ZC3H11A: variants seen among roughly 807,000 people sequenced by gnomAD.
ZC3H11A encodes the protein zinc finger CCCH-type containing 11A.
Under a neutral mutation model 90.8 loss-of-function variants are expected in ZC3H11A, and 22 were observed. The ratio of observed to expected loss-of-function variants is 0.24; its 90% CI spans 0.17 to 0.35. The LOEUF (loss-of-function observed/expected upper bound fraction) is 0.35, where lower values mean the gene tolerates loss of function less well. Ranked by LOEUF, ZC3H11A falls within the 10% of genes least tolerant of loss-of-function variation. ZC3H11A has a pLI of 1.00. For missense variants in ZC3H11A, 701 were observed against 964.9 expected, an observed-to-expected ratio of 0.73 and a Z score of 3.62; for synonymous variants, 294 against 339.8, an observed-to-expected ratio of 0.87 and a Z score of 1.48.
At chr1:203,827,074 G>A (rs960197834) in intron 4 of ZC3H11A, among the ~76,000 whole-genome samples, 11 of 152,202 alleles carry the variant, frequency 7.2e-5, no homozygotes, top group African/African-American at 2.6e-4. Context: ...GCACTCTTGT[G>A]TCTGGCTTCT....
chr1:203,826,972 C>T (rs1421468751), intron 4 of ZC3H11A, among the ~76,000 whole-genome samples: 2 of 152,246 alleles, frequency 1.3e-5, no homozygotes, highest in Middle Eastern at 3.4e-3. Flanking sequence ...TTGTTACTAA[C>T]CACATCCCCA....
intron 9 of ZC3H11A, 114 bp from the exon 10 acceptor site, chr1:203,833,677 G>T: frequency 4.7e-5 from 24 of 508,042 alleles, no homozygotes; most frequent in Non-Finnish European, 4.9e-5. Flanking sequence ...TGATTTTCAA[G>T]AGACTTTCTG....
intron 3 of ZC3H11A, 134 bp downstream of exon 3, chr1:203,817,258 T>C (rs1278965418): frequency 1.6e-6 from 1 of 633,410 alleles, no homozygotes; most frequent in Non-Finnish European, 2.6e-6. Flanking sequence ...CTGTCAGTTT[T>C]TTAAAGGATA....
intron 17 of ZC3H11A, 114 bp downstream of exon 17, chr1:203,851,238 T>C: frequency 1.1e-6 from 1 of 909,228 alleles, no homozygotes; most frequent in East Asian, 2.6e-5. Flanking sequence ...TCTGTTGCAC[T>C]TCAAATTAAT....
chr1:203,805,923 C>T (rs553517709), intron 2 of ZC3H11A: 20 of 666,096 alleles, frequency 3.0e-5, no homozygotes, highest in Admixed American at 2.5e-4. Context: ...TGTCTACCTT[C>T]ATTTCCTTTG....
chr1:203,824,272 A>AC (rs1298339482), intron 4 of ZC3H11A, among the ~76,000 whole-genome samples: 1 of 67,316 alleles, frequency 1.5e-5, no homozygotes, highest in Non-Finnish European at 3.4e-5. Context: ...CCATCTCAAA[A>AC]TTAAAAAAAA....
chr1:203,819,553 A>G (rs1677749063), intron 4 of ZC3H11A, among the ~76,000 whole-genome samples: 1 of 36,834 alleles, frequency 2.7e-5, no homozygotes, highest in Non-Finnish European at 5.3e-5. Flanking sequence ...TTTTTTTTTG[A>G]GACAGAGTTT....
intron 2 of ZC3H11A, among the ~76,000 whole-genome samples, chr1:203,811,548 G>T (rs1297879367): frequency 6.6e-6 from 1 of 151,924 alleles, no homozygotes; most frequent in Non-Finnish European, 1.5e-5. Context: ...TTGCTCTGTT[G>T]CCTAGTCTGG....
In ZC3H11A at chr1:203,838,055, C is replaced by G. The variant is rs2103171409; in HGVS notation, c.964C>G (p.Pro322Ala). The change falls in exon 11 of 18, where the codon CCA becomes GCA. Residue 322 changes from proline to alanine, a missense_variant. Transcript: ENST00000367210. ...TCCAGAAACTAACATTGACAAAACA[C>G]CAAAGAAAGGTACCTGTGTTCTTAC... is the stretch of plus-strand genomic sequence containing the variant. ...EAPETNIDKT[P>A]KKAQVSKSLK... is the part of the protein sequence containing the mutation. The G allele has an allele frequency of 6.2e-7, 1 of 1,614,072 alleles. No homozygotes were observed. Among genetic ancestry groups the G allele is most frequent in the Non-Finnish European group, 8.5e-7 (1 of 1,179,968 alleles).
intron 4 of ZC3H11A, among the ~76,000 whole-genome samples, chr1:203,823,013 T>G (rs1212261546): frequency 6.6e-6 from 1 of 152,196 alleles, no homozygotes; most frequent in Non-Finnish European, 1.5e-5. Context: ...ATCTTGCAAA[T>G]AGCAGCAGAT....
intron 17 of ZC3H11A, 147 bp from the exon 18 acceptor site, chr1:203,851,994 A>AG: frequency 2.1e-6 from 1 of 485,294 alleles, no homozygotes; most frequent in Non-Finnish European, 3.4e-6. Flanking sequence ...AAAAAAAAAA[A>AG]AGCTTGATCC....
intron 12 of ZC3H11A, among the ~76,000 whole-genome samples, chr1:203,845,603 G>T (rs552636323): frequency 1.3e-5 from 2 of 152,194 alleles, no homozygotes; most frequent in East Asian, 3.9e-4. Flanking sequence ...GGTGGCTCAC[G>T]CCTGTAATCC....
intron 2 of ZC3H11A, chr1:203,805,686 G>A (rs1482024574): frequency 3.0e-6 from 2 of 672,020 alleles, no homozygotes; most frequent in Non-Finnish European, 5.7e-6. Flanking sequence ...TTGTGACAGT[G>A]GGAACACCTT....
At chr1:203,823,946 A>G (rs930747724) in intron 4 of ZC3H11A, among the ~76,000 whole-genome samples, 13 of 151,832 alleles carry the variant, frequency 8.6e-5, no homozygotes, top group African/African-American at 3.1e-4. Flanking sequence ...CAAGTGAAAA[A>G]CCTAAGGTGA....
chr1:203,821,826 C>T (rs1221095685), intron 4 of ZC3H11A, among the ~76,000 whole-genome samples: 1 of 151,478 alleles, frequency 6.6e-6, no homozygotes, highest in South Asian at 2.1e-4. Flanking sequence ...GGCGCGATCT[C>T]CGCTCACTGC....
chr1:203,806,064 T>G, intron 2 of ZC3H11A: 1 of 515,314 alleles, frequency 1.9e-6, no homozygotes, highest in Middle Eastern at 4.2e-4. Flanking sequence ...GCTTTTGTTT[T>G]AAAACTCGCA....
intron 14 of ZC3H11A, 96 bp from the exon 15 acceptor site, chr1:203,849,615 G>A: frequency 8.6e-7 from 1 of 1,166,722 alleles, no homozygotes; most frequent in South Asian, 1.4e-5. Flanking sequence ...TGGATCATGT[G>A]AGATTCTGCT....
Position 203,849,838 on chromosome 1 carries a change from A to T in ZC3H11A, c.1751A>T (p.Asp584Val). 2 of 1,614,048 alleles carry T rather than the reference A, an allele frequency of 1.2e-6. No homozygotes were observed. Among genetic ancestry groups the T allele is most frequent in the African/African-American group, 1.3e-5 (1 of 74,996 alleles). The stretch of plus-strand genomic sequence containing the variant: ...TCAGTCTTGACACCTCTTCGGGGAG[A>T]TGTAGCCTCTTGCAATACCCAAGTG... ...EKSVLTPLRG[D>V]VASCNTQVAE... Residue 584 changes from aspartate (D) to valine (V), a missense_variant, in exon 15 of 18, where the codon GAT becomes GTT. Asp to Val is a radical substitution (Grantham distance 152, BLOSUM62 -3). This residue lies in a region of ZC3H11A where 530 missense variants were observed against 696.2 expected (regional missense o/e 0.76). Transcript: ENST00000367210.
chr1:203,844,235 C>G (rs969886527), intron 12 of ZC3H11A, among the ~76,000 whole-genome samples: 2 of 152,068 alleles, frequency 1.3e-5, no homozygotes, highest in African/African-American at 4.8e-5. Flanking sequence ...GATCTCAGCT[C>G]ACTGCAACCT....
Sources: gnomAD v4.1 joint callset for allele counts (sites outside exome capture counted in the v4.1 genomes callset) on GRCh38, gnomAD v4.1.1 for gene constraint, gnomAD v4.1.1 regional missense constraint, MANE v1.5 for transcripts, NCBI Gene and HGNC (gene_info 2026-07-23, HGNC 2026-07-21) for gene names.